The following EEIG2 variants were observed in gnomAD, a reference collection of about 807,000 sequenced individuals.
EEIG2 encodes the protein family with sequence similarity 102 member B.
the EEIG2 span, chr1:108,629,975 A>G: frequency 3.3e-6 from 1 of 304,240 alleles, no homozygotes; most frequent in Non-Finnish European, 6.2e-6. Context: ...GTCTTTCAAA[A>G]CATTAATTTT....
At chr1:108,608,615 C>G in the EEIG2 span, among the ~76,000 whole-genome samples, 2 of 152,198 alleles carry the variant, frequency 1.3e-5, no homozygotes, top group Non-Finnish European at 2.9e-5. Flanking sequence ...ATCACTGTTT[C>G]CCAGTGTCTG....
At chr1:108,582,118 G>A in the EEIG2 span, among the ~76,000 whole-genome samples, 1 of 152,070 alleles carries the variant, frequency 6.6e-6, no homozygotes, top group Non-Finnish European at 1.5e-5. Flanking sequence ...GCATTTTTTA[G>A]CAATAAAGTA....
the EEIG2 span, among the ~76,000 whole-genome samples, chr1:108,590,819 G>A: frequency 6.6e-6 from 1 of 151,976 alleles, no homozygotes; most frequent in South Asian, 2.1e-4. Flanking sequence ...GTGTACCTAG[G>A]GTATACCTAT....
chr1:108,629,005 T>G, the EEIG2 span, among the ~76,000 whole-genome samples: 1 of 152,226 alleles, frequency 6.6e-6, no homozygotes, highest in Non-Finnish European at 1.5e-5. Flanking sequence ...AAAGAACAAA[T>G]GTTAGTTAAA....
the EEIG2 span, chr1:108,637,742 A>T: frequency 6.6e-6 from 1 of 152,264 alleles, no homozygotes; most frequent in South Asian, 2.1e-4. Context: ...TGTATTTGTG[A>T]CGAGATAAAG....
the EEIG2 span, among the ~76,000 whole-genome samples, chr1:108,580,148 C>A: frequency 6.6e-6 from 1 of 152,084 alleles, no homozygotes; most frequent in Non-Finnish European, 1.5e-5. Flanking sequence ...CAAACTTTTT[C>A]ATTATTGTTA....
At chr1:108,598,072 G>T in the EEIG2 span, among the ~76,000 whole-genome samples, 1 of 152,116 alleles carries the variant, frequency 6.6e-6, no homozygotes, top group Non-Finnish European at 1.5e-5. Context: ...TGGCTCACAT[G>T]TGTAATAGCA....
chr1:108,629,525 C>A, the EEIG2 span: 1 of 1,085,736 alleles, frequency 9.2e-7, no homozygotes, highest in Non-Finnish European at 1.4e-6. Flanking sequence ...ATTACAATAT[C>A]CATATATTTG....
chr1:108,572,614 T>G, the EEIG2 span, among the ~76,000 whole-genome samples: 1 of 152,016 alleles, frequency 6.6e-6, no homozygotes, highest in East Asian at 1.9e-4. Context: ...TTTGATTTAT[T>G]TTATTTTATT....
the EEIG2 span, among the ~76,000 whole-genome samples, chr1:108,592,556 A>G: frequency 6.6e-5 from 10 of 152,320 alleles, no homozygotes; most frequent in Middle Eastern, 3.4e-3. Context: ...GGGAGGCAGT[A>G]TCTATGTGTT....
the EEIG2 span, chr1:108,629,529 A>G: frequency 8.8e-7 from 1 of 1,134,812 alleles, no homozygotes; most frequent in South Asian, 1.4e-5. Flanking sequence ...CAATATCCAT[A>G]TATTTGACAA....
chr1:108,600,714 C>T, the EEIG2 span: 1 of 1,584,584 alleles, frequency 6.3e-7, no homozygotes, highest in Non-Finnish European at 8.6e-7. Context: ...TACTTCTTCC[C>T]TTTCAGAAAC....
the EEIG2 span, among the ~76,000 whole-genome samples, chr1:108,632,852 G>A: frequency 2.6e-5 from 4 of 152,072 alleles, no homozygotes; most frequent in African/African-American, 9.7e-5. Flanking sequence ...CACCCAGGCT[G>A]GAGTGCGGCA....
At chr1:108,567,746 C>G in the EEIG2 span, among the ~76,000 whole-genome samples, 2 of 152,042 alleles carry the variant, frequency 1.3e-5, no homozygotes, top group Non-Finnish European at 2.9e-5. Flanking sequence ...GCCTGTAATC[C>G]CAGCACTTTG....
chr1:108,633,714 T>C, the EEIG2 span, among the ~76,000 whole-genome samples: 1 of 152,248 alleles, frequency 6.6e-6, no homozygotes. Context: ...TTGAATATGT[T>C]TTTCCTTGTG....
At chr1:108,631,135 G>A in the EEIG2 span, 1 of 399,724 alleles carries the variant, frequency 2.5e-6, no homozygotes, top group Non-Finnish European at 5.0e-6. Context: ...TGACTCATCT[G>A]CTTATTAAAT....
the EEIG2 span, among the ~76,000 whole-genome samples, chr1:108,584,313 G>C: frequency 9.6e-3 from 1,461 of 152,080 alleles, 23 homozygotes; most frequent in African/African-American, 0.033. Flanking sequence ...TTGAGAGTCT[G>C]TATGCTTTCT....
chr1:108,604,393 G>C, the EEIG2 span, among the ~76,000 whole-genome samples: 1 of 152,194 alleles, frequency 6.6e-6, no homozygotes, highest in South Asian at 2.1e-4. Flanking sequence ...GTTTTGAATA[G>C]AGTTAAAACA....
At chr1:108,629,766 A>G in the EEIG2 span, 1 of 779,126 alleles carries the variant, frequency 1.3e-6, no homozygotes, top group Non-Finnish European at 2.2e-6. Flanking sequence ...GCAAGGAAAC[A>G]CAGATAGTAG....
Sources: allele counts gnomAD v4.1 joint callset (sites outside exome capture counted in the v4.1 genomes callset), GRCh38; gene constraint gnomAD v4.1.1; transcripts MANE v1.5; gene names NCBI Gene and HGNC (gene_info 2026-07-23, HGNC 2026-07-21).